The following ANKFN1 variants were observed in gnomAD, a reference collection of about 807,000 sequenced individuals.
The protein encoded by ANKFN1 is ankyrin repeat and fibronectin type III domain containing 1.
A neutral mutation model predicts 108.7 loss-of-function variants in ANKFN1; 74 were observed. The ratio of observed to expected loss-of-function variants is 0.68; its 90% CI spans 0.56 to 0.83. The LOEUF (loss-of-function observed/expected upper bound fraction) is 0.83. Ranked by LOEUF, ANKFN1 falls within the 40% of genes least tolerant of loss-of-function variation. The pLI, the probability that ANKFN1 is intolerant of heterozygous loss-of-function variation, is 0.00. For missense variants in ANKFN1, 1,505 were observed against 1,382.3 expected (o/e 1.09, Z -1.41); for synonymous variants, 547 against 516.2 (o/e 1.06, Z -0.81).
At chr17:56,381,542 A>T (rs1486083047) in intron 8 of ANKFN1, among the ~76,000 whole-genome samples, 1 of 152,210 alleles carries the variant, frequency 6.6e-6, no homozygotes, top group Non-Finnish European at 1.5e-5. Flanking sequence ...CTTTGAAAAA[A>T]ATTTAGATGA....
chr17:56,398,776 C>T (rs2047664439), intron 8 of ANKFN1, among the ~76,000 whole-genome samples: 1 of 152,156 alleles, frequency 6.6e-6, no homozygotes, highest in Non-Finnish European at 1.5e-5. Flanking sequence ...GAAAACGTTT[C>T]ATCTCTTCTG....
At chr17:56,149,907 A>G (rs181287546), upstream of ANKFN1, among the ~76,000 whole-genome samples, 11 of 152,276 alleles carry the variant, frequency 7.2e-5, 1 homozygote, top group East Asian at 1.4e-3. Flanking sequence ...GGAAGCCTTT[A>G]TCAATCCCAT....
chr17:56,152,302 GTT>G (rs1168106416), upstream of ANKFN1, among the ~76,000 whole-genome samples: 1 of 144,870 alleles, frequency 6.9e-6, no homozygotes, highest in Non-Finnish European at 1.5e-5. Flanking sequence ...GTGTGTGTGT[GTT>G]TAATTTTTCT....
intron 3 of ANKFN1, among the ~76,000 whole-genome samples, chr17:56,240,202 T>C (rs950034417): frequency 2.0e-5 from 3 of 152,052 alleles, no homozygotes; most frequent in Non-Finnish European, 4.4e-5. Flanking sequence ...CACAAAAAAA[T>C]CACAATCCTG....
intron 1 of ANKFN1, among the ~76,000 whole-genome samples, chr17:56,167,261 GTA>G (rs1431986196): frequency 2.1e-4 from 16 of 74,730 alleles, no homozygotes; most frequent in South Asian, 5.3e-4. Context: ...GTATGTGTGT[GTA>G]TATATATATA....
intron 4 of ANKFN1, among the ~76,000 whole-genome samples, chr17:56,340,301 A>T (rs1038966184): frequency 2.0e-5 from 3 of 152,104 alleles, no homozygotes. Flanking sequence ...GAAGCTCTTT[A>T]GTTTAATTAG....
intron 4 of ANKFN1, among the ~76,000 whole-genome samples, chr17:56,051,731 C>A (rs1430140440): frequency 4.1e-5 from 6 of 145,954 alleles, no homozygotes; most frequent in Non-Finnish European, 9.1e-5. Context: ...TCTCAGGATA[C>A]AAAATCAATG....
In ANKFN1 at chr17:56,215,609, G is replaced by A. The variant is rs528691517; in HGVS notation, c.12+2930G>A. Among the ~76,000 whole-genome samples, 13 of 152,312 alleles carry A rather than the reference G, an allele frequency of 8.5e-5. No individual in the cohort carries two copies. The East Asian group carries it at 2.3e-3, about 27-fold the overall frequency. On this transcript the variant is annotated intron_variant, in intron 2 of 20. Transcript: ENST00000682825. ...GTTTTTCACTTGGCAGAGGAGGTGC[G>A]ATTCATGTAGATGAAGGAATCAGAA...
chr17:56,152,555 C>T (rs1908724234), upstream of ANKFN1, among the ~76,000 whole-genome samples: 1 of 152,076 alleles, frequency 6.6e-6, no homozygotes, highest in African/African-American at 2.4e-5. Flanking sequence ...TCCCATTCAT[C>T]TGTGGGTCAA....
At chr17:56,255,655 A>G (rs995596277) in intron 3 of ANKFN1, among the ~76,000 whole-genome samples, 4 of 152,224 alleles carry the variant, frequency 2.6e-5, no homozygotes, top group Admixed American at 2.6e-4. Flanking sequence ...TCAGTGTGGC[A>G]GTGTAACCCA....
At chr17:56,364,686 C>A (rs1323089298) in intron 6 of ANKFN1, among the ~76,000 whole-genome samples, 1 of 152,192 alleles carries the variant, frequency 6.6e-6, no homozygotes, top group African/African-American at 2.4e-5. Context: ...CTTTCTGTGT[C>A]ATTTGTTCTG....
chr17:56,362,880 G>C (rs2046558970), intron 6 of ANKFN1, among the ~76,000 whole-genome samples: 1 of 152,136 alleles, frequency 6.6e-6, no homozygotes, highest in African/African-American at 2.4e-5. Context: ...AAAATGTAAG[G>C]AATTCAATTC....
At chr17:56,363,138 C>T (rs759282723) in intron 6 of ANKFN1, among the ~76,000 whole-genome samples, 41 of 152,012 alleles carry the variant, frequency 2.7e-4, no homozygotes, top group Admixed American at 5.9e-4. Context: ...GCAGGAGAAT[C>T]GCTTGAACAC....
At chr17:56,219,018 A>G (rs1915649214) in intron 2 of ANKFN1, among the ~76,000 whole-genome samples, 1 of 152,106 alleles carries the variant, frequency 6.6e-6, no homozygotes, top group Non-Finnish European at 1.5e-5. Context: ...TTGCAGAGTC[A>G]TTTTCTAATA....
Position 56,174,438 on chromosome 17 carries a change from GT to G in ANKFN1, c.-71+20909del, listed in dbSNP as rs141676221. 1.7e-3 allele frequency: 1,686 copies of G among 983,256 alleles called. 3 individuals are homozygous for G. The highest frequency in any genetic ancestry group is 1.9e-3 in the Non-Finnish European group (1,588 of 827,982). 60.9% of individuals were successfully genotyped at this position (983,256 alleles called of 1,614,324 possible). Reference sequence around the variant, plus strand: ...AATCTTCCAAGCAGTGATCTTTTTAGTGAATTGCTTGAGGGTTCTCTGGCTA... The same window carrying G: ...AATCTTCCAAGCAGTGATCTTTTTAGGAATTGCTTGAGGGTTCTCTGGCTA... On this transcript the variant is annotated intron_variant, in intron 1 of 20. Coordinates refer to ENST00000682825, the MANE Select transcript of ANKFN1 (RefSeq NM_001370326.1).
At chr17:56,343,155 C>A (rs574763918) in intron 4 of ANKFN1, among the ~76,000 whole-genome samples, 8 of 151,692 alleles carry the variant, frequency 5.3e-5, no homozygotes, top group Non-Finnish European at 1.0e-4. Context: ...TGTTTGGTAG[C>A]TTTTCCTCAT....
intron 8 of ANKFN1, among the ~76,000 whole-genome samples, chr17:56,377,499 C>T (rs1224520874): frequency 6.6e-6 from 1 of 152,046 alleles, no homozygotes; most frequent in Non-Finnish European, 1.5e-5. Context: ...GAGATCTACT[C>T]TCTGTTTCTA....
chr17:56,439,311 C>T (rs2049025924), intron 8 of ANKFN1, among the ~76,000 whole-genome samples: 1 of 152,132 alleles, frequency 6.6e-6, no homozygotes, highest in Non-Finnish European at 1.5e-5. Context: ...AAACAGAGGC[C>T]TTGCTTCCCA....
intron 3 of ANKFN1, among the ~76,000 whole-genome samples, chr17:56,264,281 G>A (rs561718632): frequency 6.6e-6 from 1 of 152,302 alleles, no homozygotes; most frequent in East Asian, 1.9e-4. Flanking sequence ...CTCCTCTGCA[G>A]AAGGATTCCA....
Sources: allele counts gnomAD v4.1 joint callset (sites outside exome capture counted in the v4.1 genomes callset), GRCh38; gene constraint gnomAD v4.1.1; transcripts MANE v1.5; gene names NCBI Gene and HGNC (gene_info 2026-07-23, HGNC 2026-07-21).